GPC6: variants seen among roughly 807,000 people sequenced by gnomAD.
GPC6 encodes the protein glypican-6.
In GPC6, 14 loss-of-function variants were observed where a neutral mutation model predicts 55.2. The ratio of observed to expected loss-of-function variants is 0.25; its 90% CI spans 0.17 to 0.40. GPC6 has a LOEUF of 0.40. GPC6 is among the 10% of genes least tolerant of loss of function. The pLI, the probability that GPC6 is intolerant of heterozygous loss-of-function variation, is 1.00. For missense variants in GPC6, 641 were observed against 708.5 expected (o/e 0.90, Z 1.08); for synonymous variants, 278 against 259.6 (o/e 1.07, Z -0.68).
chr13:93,224,107 C>T (rs1875694105), upstream of GPC6, among the ~76,000 whole-genome samples: 2 of 151,630 alleles, frequency 1.3e-5, no homozygotes, highest in Admixed American at 6.6e-5. Flanking sequence ...ACCGTGTTAG[C>T]CAGGATAGTC....
chr13:94,375,244 A>C (rs1386345714), intron 6 of GPC6, among the ~76,000 whole-genome samples: 1 of 152,198 alleles, frequency 6.6e-6, no homozygotes, highest in Non-Finnish European at 1.5e-5. Flanking sequence ...AGACACAAAA[A>C]ATTAATGAAT....
At chr13:93,676,389 C>T (rs1881634772) in intron 2 of GPC6, among the ~76,000 whole-genome samples, 1 of 151,064 alleles carries the variant, frequency 6.6e-6, no homozygotes, top group African/African-American at 2.4e-5. Flanking sequence ...TACACTCCAG[C>T]CTGAGTGACA....
At chr13:93,612,502 CA>C (rs1878520965) in intron 2 of GPC6, among the ~76,000 whole-genome samples, 1 of 81,176 alleles carries the variant, frequency 1.2e-5, no homozygotes, top group Admixed American at 1.3e-4. Flanking sequence ...CCGTCTAAAA[CA>C]CACACACACA....
chr13:94,322,598 A>G (rs1876885475), intron 6 of GPC6, among the ~76,000 whole-genome samples: 1 of 152,232 alleles, frequency 6.6e-6, no homozygotes, highest in Non-Finnish European at 1.5e-5. Flanking sequence ...TTGCTTTATA[A>G]TAATAGCAAT....
intron 3 of GPC6, among the ~76,000 whole-genome samples, chr13:93,883,841 C>G (rs9561460): frequency 1.3e-5 from 2 of 151,806 alleles, no homozygotes; most frequent in Non-Finnish European, 2.9e-5. Context: ...AAATTCATTA[C>G]GCATCAATTA....
chr13:94,326,609 A>G (rs1254287385), intron 6 of GPC6, among the ~76,000 whole-genome samples: 1 of 152,170 alleles, frequency 6.6e-6, no homozygotes, highest in Non-Finnish European at 1.5e-5. Flanking sequence ...CAACCATCAC[A>G]AGATGTTCGG....
chr13:93,889,722 TTTA>T (rs1875552959), intron 3 of GPC6, among the ~76,000 whole-genome samples: 1 of 152,148 alleles, frequency 6.6e-6, no homozygotes, highest in South Asian at 2.1e-4. Context: ...AAGGTTTCTT[TTTA>T]TTCTGGCCCC....
rs1201876760 is a variant in GPC6 at position 93,531,222 on chromosome 13, C to T, written c.161-14041C>T. On this transcript the variant is annotated intron_variant, in intron 1 of 8. Transcript: ENST00000377047. The stretch of plus-strand genomic sequence containing the variant: ...GCCAAGGTTCTCCAGAAAAACAGGA[C>T]CAATTATATGTAAGAACATATATAT... 4.6e-5 allele frequency among the ~76,000 whole-genome samples: 7 copies of T among 151,138 alleles called. No individual in the cohort carries two copies. In the Admixed American group the frequency reaches 4.6e-4, roughly 10 times the overall value.
At chr13:94,288,821 A>AT (rs1297746466) in intron 5 of GPC6, among the ~76,000 whole-genome samples, 1 of 125,888 alleles carries the variant, frequency 7.9e-6, no homozygotes, top group Non-Finnish European at 1.6e-5. Context: ...TATAATAAAT[A>AT]TATATATTTG....
In GPC6 at chr13:93,447,520, T is replaced by C. The variant is rs570995816; in HGVS notation, c.161-97743T>C. Among the ~76,000 whole-genome samples the C allele has an allele frequency of 2.0e-5, 3 of 152,292 alleles. 1 individual carries two copies. The South Asian group carries it at 6.2e-4, about 32-fold the overall frequency. On this transcript the variant is annotated intron_variant, in intron 1 of 8. Coordinates refer to ENST00000377047, the MANE Select transcript of GPC6 (RefSeq NM_005708.5). ...GTTACGTGATGAGGAAATCAATCCC[T>C]TTTCTAGAAAAGGATGCACACATTA...
intron 6 of GPC6, among the ~76,000 whole-genome samples, chr13:94,376,853 T>C (rs1221527473): frequency 6.6e-6 from 1 of 151,218 alleles, no homozygotes; most frequent in Admixed American, 6.6e-5. Context: ...AAAACAGAGA[T>C]ATAGATCAAT....
intron 2 of GPC6, among the ~76,000 whole-genome samples, chr13:93,606,402 C>T (rs745961598): frequency 3.3e-5 from 5 of 152,160 alleles, no homozygotes; most frequent in Non-Finnish European, 5.9e-5. Context: ...GTAAGGAGGG[C>T]AATCATATGT....
chr13:93,650,702 C>T (rs1460436130), intron 2 of GPC6, among the ~76,000 whole-genome samples: 2 of 152,172 alleles, frequency 1.3e-5, no homozygotes, highest in Non-Finnish European at 2.9e-5. Flanking sequence ...GCCACATAAG[C>T]TTATTGTTTT....
intron 6 of GPC6, among the ~76,000 whole-genome samples, chr13:94,329,272 AC>A (rs1184840330): frequency 6.6e-6 from 1 of 152,144 alleles, no homozygotes; most frequent in Non-Finnish European, 1.5e-5. Flanking sequence ...ATTTGGCAAA[AC>A]GCTGGGTTCT....
chr13:93,323,110 T>G (rs1879514394), intron 1 of GPC6, among the ~76,000 whole-genome samples: 1 of 152,224 alleles, frequency 6.6e-6, no homozygotes, highest in South Asian at 2.1e-4. Flanking sequence ...TTATATTTTC[T>G]ATCTGTTTTG....
intron 1 of GPC6, among the ~76,000 whole-genome samples, chr13:93,477,729 C>T (rs1371857694): frequency 4.6e-5 from 7 of 152,082 alleles, no homozygotes; most frequent in Admixed American, 6.6e-5. Flanking sequence ...GCTAAGAGTG[C>T]ACAAATCAGT....
chr13:93,775,810 T>TAAACAA (rs10633089), intron 2 of GPC6, among the ~76,000 whole-genome samples: 14,670 of 152,078 alleles, frequency 0.096, 1,563 homozygotes, highest in African/African-American at 0.26. Flanking sequence ...GAATGTCGTC[T>TAAACAA]AAACAAACCA....
chr13:93,398,855 T>G (rs1193577466), intron 1 of GPC6, among the ~76,000 whole-genome samples: 1 of 152,174 alleles, frequency 6.6e-6, no homozygotes, highest in East Asian at 1.9e-4. Context: ...CCTGTGTACT[T>G]GACTATGTAT....
the GPC6 span, among the ~76,000 whole-genome samples, chr13:93,219,862 T>G: frequency 5.0e-5 from 1 of 20,072 alleles, no homozygotes; most frequent in African/African-American, 7.6e-5. Flanking sequence ...TCTAATTAAT[T>G]TTTTGTTTTC....
Sources: gnomAD v4.1 joint callset for allele counts (sites outside exome capture counted in the v4.1 genomes callset) on GRCh38, gnomAD v4.1.1 for gene constraint, MANE v1.5 for transcripts, NCBI Gene and HGNC (gene_info 2026-07-23, HGNC 2026-07-21) for gene names.